ERBB4: variants seen among roughly 807,000 people sequenced by gnomAD.
ERBB4 encodes erb-b2 receptor tyrosine kinase 4.
Under a neutral mutation model 158.0 loss-of-function variants are expected in ERBB4, and 42 were observed. The observed-to-expected ratio is 0.27, with a 90% CI of 0.21 to 0.34. ERBB4 has a LOEUF of 0.34. Among genes scored for constraint, ERBB4 ranks in the 10% least tolerant of loss-of-function variants. The pLI, the probability that ERBB4 is intolerant of heterozygous loss-of-function variation, is 1.00. For synonymous variants in ERBB4, 583 were observed against 558.7 expected, an observed-to-expected ratio of 1.04 and a Z score of -0.61; for missense variants, 1,333 against 1,624.1, an observed-to-expected ratio of 0.82 and a Z score of 3.08.
chr2:211,963,906 AAACTATTTT>A (rs2081247981), intron 2 of ERBB4, among the ~76,000 whole-genome samples: 1 of 152,218 alleles, frequency 6.6e-6, no homozygotes, highest in Non-Finnish European at 1.5e-5. Flanking sequence ...CCCAGTAACC[AAACTATTTT>A]AAACATAAAA....
chr2:212,208,246 C>A (rs913842002), intron 1 of ERBB4, among the ~76,000 whole-genome samples: 5 of 152,140 alleles, frequency 3.3e-5, no homozygotes, highest in African/African-American at 1.2e-4. Flanking sequence ...CCCTCTTACG[C>A]CTGCAAGGTT....
Position 211,666,289 on chromosome 2 carries a change from TACAA to T in ERBB4, c.1717-816_1717-813del, listed in dbSNP as rs1278558832. 8.5e-5 allele frequency among the ~76,000 whole-genome samples: 13 copies of T among 152,136 alleles called. No homozygotes were observed. The East Asian group carries it at 1.5e-3, about 18-fold the overall frequency. On this transcript the variant is annotated intron_variant, in intron 14 of 27. Coordinates refer to ENST00000342788, the MANE Select transcript of ERBB4 (RefSeq NM_005235.3). ...AGTCCATAATAATAAAGCAAATACA[TACAA>T]ACAAAGGCTTCATGAAGAAACTTAT...
At chr2:211,717,758 C>T (rs1050942001) in intron 7 of ERBB4, among the ~76,000 whole-genome samples, 1 of 152,036 alleles carries the variant, frequency 6.6e-6, no homozygotes, top group Non-Finnish European at 1.5e-5. Flanking sequence ...ACCCGGGAGG[C>T]GGAGGTTGCA....
intron 1 of ERBB4, among the ~76,000 whole-genome samples, chr2:212,294,438 TCA>T: frequency 6.6e-6 from 1 of 152,150 alleles, no homozygotes; most frequent in East Asian, 1.9e-4. Flanking sequence ...TTGTTTCATC[TCA>T]CTTTGTCTAA....
At chr2:212,478,886 A>G (rs988624609) in intron 1 of ERBB4, among the ~76,000 whole-genome samples, 1 of 152,138 alleles carries the variant, frequency 6.6e-6, no homozygotes, top group Non-Finnish European at 1.5e-5. Context: ...GTGGGCAGGA[A>G]TGATGATTTA....
At chr2:211,646,264 T>C (rs1298834998) in intron 16 of ERBB4, among the ~76,000 whole-genome samples, 1 of 151,526 alleles carries the variant, frequency 6.6e-6, no homozygotes, top group Non-Finnish European at 1.5e-5. Context: ...GTATTACTTT[T>C]GTAATTTTAA....
intron 1 of ERBB4, among the ~76,000 whole-genome samples, chr2:212,211,227 A>G (rs754416473): frequency 1.3e-5 from 2 of 152,108 alleles, no homozygotes; most frequent in Non-Finnish European, 2.9e-5. Context: ...TCTGCTTCTC[A>G]GTCTTTACCT....
intron 1 of ERBB4, among the ~76,000 whole-genome samples, chr2:212,226,412 G>GGT (rs1553601620): frequency 1.3e-5 from 2 of 151,368 alleles, no homozygotes; most frequent in East Asian, 1.9e-4. Flanking sequence ...TAAAGACATG[G>GGT]GGGGGGGTTT....
At chr2:211,883,205 C>A (rs958516217) in intron 3 of ERBB4, among the ~76,000 whole-genome samples, 1 of 152,064 alleles carries the variant, frequency 6.6e-6, no homozygotes, top group African/African-American at 2.4e-5. Flanking sequence ...GGACAAAAAA[C>A]CAAACACCGC....
rs146034071 is a variant in ERBB4 at position 211,865,600 on chromosome 2, G to A, written c.422-77441C>T. Among the ~76,000 whole-genome samples the A allele has an allele frequency of 6.9e-3, 1,049 of 152,158 alleles. 10 individuals carry two copies. The highest frequency in any genetic ancestry group is 9.7e-3 in the Non-Finnish European group (659 of 67,990). On this transcript the variant is annotated intron_variant, in intron 3 of 27. Coordinates refer to ENST00000342788, the MANE Select transcript of ERBB4 (RefSeq NM_005235.3). Reference sequence around the variant, plus strand: ...CCTCCCAGGTTCAAGTGATTCTCTCGCCTCAGCCTCCCAAGTAGCTGGGAT... The same window carrying A: ...CCTCCCAGGTTCAAGTGATTCTCTCACCTCAGCCTCCCAAGTAGCTGGGAT...
intron 1 of ERBB4, among the ~76,000 whole-genome samples, chr2:212,260,492 C>T (rs2084899376): frequency 6.6e-6 from 1 of 152,122 alleles, no homozygotes; most frequent in Non-Finnish European, 1.5e-5. Context: ...ATGCCATGAG[C>T]AGCTTGTAAG....
intron 2 of ERBB4, among the ~76,000 whole-genome samples, chr2:212,104,831 A>G (rs887151101): frequency 6.6e-6 from 1 of 152,132 alleles, no homozygotes; most frequent in African/African-American, 2.4e-5. Flanking sequence ...AAAAATAAGT[A>G]TACGTTTGAA....
rs1300270485 is a variant in ERBB4, at chr2:211,379,247, A to C, written c.*4368T>G. 4.4e-6 allele frequency: 1 copy of C among 229,052 alleles called. No individual in the cohort carries two copies. Among genetic ancestry groups the C allele is most frequent in the African/African-American group, 2.2e-5 (1 of 44,968 alleles). The allele number at this position is 229,052 out of a possible 1,614,324, so 14.2% of individuals were successfully genotyped here. A position where few individuals can be genotyped will look rare whatever the true frequency, so the allele number is the denominator to read the frequency against. On this transcript the variant is annotated 3_prime_UTR_variant, in exon 28 of 28. Coordinates refer to ENST00000342788, the MANE Select transcript of ERBB4 (RefSeq NM_005235.3). ...CACTCCTTTTTTTTTTTGTCTCTGCATAAGGTAATAGAACATTTACATTTT... is the reference window on the plus strand; with the variant it reads ...CACTCCTTTTTTTTTTTGTCTCTGCCTAAGGTAATAGAACATTTACATTTT...
At chr2:212,006,097 CA>C (rs1188073331) in intron 2 of ERBB4, among the ~76,000 whole-genome samples, 1 of 152,104 alleles carries the variant, frequency 6.6e-6, no homozygotes, top group Admixed American at 6.6e-5. Context: ...AATAGATAAT[CA>C]AAAATGTTCA....
At chr2:211,996,042 T>C (rs1575489863) in intron 2 of ERBB4, among the ~76,000 whole-genome samples, 6 of 152,202 alleles carry the variant, frequency 3.9e-5, no homozygotes. Flanking sequence ...TATAACATGA[T>C]CTTTGCCTTG....
chr2:211,826,445 T>C (rs1428567983), intron 3 of ERBB4, among the ~76,000 whole-genome samples: 1 of 151,846 alleles, frequency 6.6e-6, no homozygotes, highest in East Asian at 1.9e-4. Flanking sequence ...AGGTCCCTAT[T>C]GTGTTTCCAT....
intron 1 of ERBB4, among the ~76,000 whole-genome samples, chr2:212,126,819 C>T (rs1521655): frequency 0.55 from 83,274 of 151,884 alleles, 23,457 homozygotes; most frequent in Non-Finnish European, 0.59. Context: ...TGAGTTCCTG[C>T]AGAGGAAGGA....
intron 2 of ERBB4, among the ~76,000 whole-genome samples, chr2:211,975,398 G>A (rs2125214945): frequency 6.6e-6 from 1 of 152,224 alleles, no homozygotes; most frequent in South Asian, 2.1e-4. Flanking sequence ...GTTAAGTGTA[G>A]CTTTACATTG....
chr2:211,872,607 C>T (rs1304533760), intron 3 of ERBB4, among the ~76,000 whole-genome samples: 1 of 151,926 alleles, frequency 6.6e-6, no homozygotes, highest in African/African-American at 2.4e-5. Context: ...ATATGTTAAA[C>T]ATCAGGTCAG....
Sources: allele counts gnomAD v4.1 joint callset (sites outside exome capture counted in the v4.1 genomes callset), GRCh38; gene constraint gnomAD v4.1.1; transcripts MANE v1.5; gene names NCBI Gene and HGNC (gene_info 2026-07-23, HGNC 2026-07-21).